Variants in ASTN2 observed in about 807,000 individuals in gnomAD.
ASTN2 encodes astrotactin-2.
A neutral mutation model predicts 139.8 loss-of-function variants in ASTN2; 54 were observed. The ratio of observed to expected loss-of-function variants is 0.39; its 90% CI spans 0.31 to 0.48. The LOEUF is 0.48. Among genes scored for constraint, ASTN2 ranks in the 20% least tolerant of loss-of-function variants. The pLI is 0.95. For missense variants in ASTN2, 1,565 were observed against 1,725.1 expected, an observed-to-expected ratio of 0.91 and a Z score of 1.64; for synonymous variants, 756 against 719.5, an observed-to-expected ratio of 1.05 and a Z score of -0.81.
At chr9:116,594,800 C>G (rs778216490) in intron 19 of ASTN2, among the ~76,000 whole-genome samples, 1 of 152,170 alleles carries the variant, frequency 6.6e-6, no homozygotes, top group East Asian at 1.9e-4. Context: ...CAGGATATGA[C>G]CTGGCTCAGA....
At chr9:116,679,617 A>G (rs1447832536) in intron 16 of ASTN2, among the ~76,000 whole-genome samples, 1 of 152,176 alleles carries the variant, frequency 6.6e-6, no homozygotes, top group Non-Finnish European at 1.5e-5. Flanking sequence ...AATTGACCAC[A>G]TAGTTGGAAG....
chr9:116,998,597 C>T (rs199591210), intron 7 of ASTN2, among the ~76,000 whole-genome samples: 1 of 114,678 alleles, frequency 8.7e-6, no homozygotes, highest in Admixed American at 8.9e-5. Context: ...ATCCATGCAT[C>T]CATGCATCCA....
intron 11 of ASTN2, among the ~76,000 whole-genome samples, chr9:116,844,062 C>A (rs139861217): frequency 1.3e-5 from 2 of 152,196 alleles, no homozygotes; most frequent in African/African-American, 4.8e-5. Context: ...CAGATACTGT[C>A]ATTTCCTAGC....
At chr9:117,061,869 G>A (rs916102255) in intron 5 of ASTN2, among the ~76,000 whole-genome samples, 3 of 152,126 alleles carry the variant, frequency 2.0e-5, no homozygotes, top group African/African-American at 7.2e-5. Context: ...AAGGAAGAGA[G>A]GAGGGAAGGA....
At chr9:116,603,212 T>C (rs1855000655) in intron 19 of ASTN2, among the ~76,000 whole-genome samples, 1 of 151,988 alleles carries the variant, frequency 6.6e-6, no homozygotes, top group African/African-American at 2.4e-5. Flanking sequence ...GACTCTACCA[T>C]AGATAGAAAA....
chr9:117,016,628 A>AGGT lies in ASTN2; in HGVS notation c.1424-8370_1424-8369insACC, dbSNP rs1564385895. 1.9e-3 allele frequency among the ~76,000 whole-genome samples: 15 copies of AGGT among 8,058 alleles called. 1 individual carries two copies. The highest frequency in any genetic ancestry group is 6.3e-3 in the South Asian group (1 of 158). 5.3% of individuals were successfully genotyped at this position (8,058 alleles called of 152,430 possible). ...TCTATATCTATATCTATCTATCTATATATATATATATATATATATATATAT... is the reference window on the plus strand; with the variant it reads ...TCTATATCTATATCTATCTATCTATAGGTTATATATATATATATATATATATAT... On this transcript the variant is annotated intron_variant, in intron 6 of 22. Coordinates refer to ENST00000313400, the MANE Select transcript of ASTN2 (RefSeq NM_001365068.1).
At chr9:116,765,117 A>C (rs758856205) in intron 13 of ASTN2, among the ~76,000 whole-genome samples, 4 of 152,190 alleles carry the variant, frequency 2.6e-5, no homozygotes, top group Non-Finnish European at 4.4e-5. Context: ...GGGCTGAATT[A>C]GGGTAATTCA....
rs1165074572 is a variant in ASTN2, at chr9:116,444,354, T to C, written c.3498-1801A>G. Among the ~76,000 whole-genome samples, 4 of 152,342 alleles carry C rather than the reference T, an allele frequency of 2.6e-5. No homozygotes were observed. In the East Asian group the frequency reaches 7.7e-4, roughly 29 times the overall value. On this transcript the variant is annotated intron_variant, in intron 20 of 22. Transcript: ENST00000313400. Reference sequence around the variant, plus strand: ...CATCTCATAAGTTTTTCTGATCTTATGAAAACATGCTAAAATAATCACCCT... The same window carrying C: ...CATCTCATAAGTTTTTCTGATCTTACGAAAACATGCTAAAATAATCACCCT...
Position 116,987,449 on chromosome 9 carries a change from C to T in ASTN2, c.1592-10664G>A, listed in dbSNP as rs147536555. The stretch of plus-strand genomic sequence containing the variant: ...AGCCAGGGCAACCCTTTCCACTGGC[C>T]CCCTTCACTCTCTCTCTCTCCTGAT... On this transcript the variant is annotated intron_variant, in intron 7 of 22. Coordinates refer to ENST00000313400, the MANE Select transcript of ASTN2 (RefSeq NM_001365068.1). Among the ~76,000 whole-genome samples the T allele has an allele frequency of 3.9e-3, 592 of 152,290 alleles. 3 individuals carry two copies. The highest frequency in any genetic ancestry group is 0.014 in the African/African-American group (573 of 41,556).
chr9:116,975,371 G>T, intron 9 of ASTN2, 26 bp from the exon 10 acceptor site: 1 of 1,573,734 alleles, frequency 6.4e-7, no homozygotes, highest in Non-Finnish European at 8.6e-7. Flanking sequence ...TTCCATTGGG[G>T]AACTCCCTGG....
chr9:116,647,500 T>A (rs1857656544), intron 17 of ASTN2, among the ~76,000 whole-genome samples: 1 of 152,150 alleles, frequency 6.6e-6, no homozygotes, highest in South Asian at 2.1e-4. Flanking sequence ...AGTTGAATAT[T>A]TCAATGATGC....
At chr9:116,548,543 G>C (rs1268760437) in intron 19 of ASTN2, among the ~76,000 whole-genome samples, 1 of 152,162 alleles carries the variant, frequency 6.6e-6, no homozygotes, top group Non-Finnish European at 1.5e-5. Flanking sequence ...CGTGATCTCA[G>C]CTCATTGCAA....
At chr9:117,179,007 G>A (rs750476559) in intron 3 of ASTN2, among the ~76,000 whole-genome samples, 4 of 152,088 alleles carry the variant, frequency 2.6e-5, no homozygotes, top group African/African-American at 7.2e-5. Context: ...TAGATGAAGC[G>A]GATATTCCCT....
intron 4 of ASTN2, among the ~76,000 whole-genome samples, chr9:117,115,713 G>T (rs1473966851): frequency 6.6e-6 from 1 of 151,716 alleles, no homozygotes; most frequent in African/African-American, 2.4e-5. Context: ...CAGTAGGCTA[G>T]GGGTATAACT....
intron 19 of ASTN2, among the ~76,000 whole-genome samples, chr9:116,563,463 AC>A (rs1396427923): frequency 3.3e-5 from 5 of 152,136 alleles, no homozygotes; most frequent in Non-Finnish European, 7.3e-5. Flanking sequence ...AATAGAGAGA[AC>A]CACATGAACA....
At chr9:116,682,764 A>T (rs1463874513) in intron 16 of ASTN2, among the ~76,000 whole-genome samples, 1 of 152,160 alleles carries the variant, frequency 6.6e-6, no homozygotes, top group Admixed American at 6.5e-5. Flanking sequence ...TTCTCAGTAA[A>T]CTATCGTAAG....
chr9:116,886,977 T>G (rs113161441), intron 10 of ASTN2, among the ~76,000 whole-genome samples: 1,995 of 152,204 alleles, frequency 0.013, 28 homozygotes, highest in Non-Finnish European at 0.023. Flanking sequence ...GATAAGATCA[T>G]CATGGTGTAG....
At chr9:116,444,859 G>A (rs1564281495) in intron 20 of ASTN2, among the ~76,000 whole-genome samples, 1 of 152,194 alleles carries the variant, frequency 6.6e-6, no homozygotes, top group Admixed American at 6.5e-5. Flanking sequence ...GATGTGAAAT[G>A]TAAGTGCACT....
intron 2 of ASTN2, among the ~76,000 whole-genome samples, chr9:117,231,116 C>T (rs1324293541): frequency 2.0e-5 from 3 of 152,222 alleles, no homozygotes; most frequent in Admixed American, 2.0e-4. Flanking sequence ...AGTTTCTGAT[C>T]ACAGCAGGTC....
Sources: allele counts gnomAD v4.1 joint callset (sites outside exome capture counted in the v4.1 genomes callset), GRCh38; gene constraint gnomAD v4.1.1; transcripts MANE v1.5; gene names NCBI Gene and HGNC (gene_info 2026-07-23, HGNC 2026-07-21).